PPARD: variants seen among roughly 807,000 people sequenced by gnomAD.
The protein encoded by PPARD is peroxisome proliferator-activated receptor delta.
Under a neutral mutation model 39.5 loss-of-function variants are expected in PPARD, and 6 were observed. The ratio of observed to expected loss-of-function variants is 0.15; its 90% confidence interval spans 0.08 to 0.30. The LOEUF (loss-of-function observed/expected upper bound fraction) is 0.30. Ranked by LOEUF, PPARD falls within the 10% of genes least tolerant of loss-of-function variation. The pLI is 1.00. For synonymous variants in PPARD, 210 were observed against 231.3 expected, an observed-to-expected ratio of 0.91 and a Z score of 0.83; for missense variants, 397 against 596.8, an observed-to-expected ratio of 0.67 and a Z score of 3.49.
intron 4 of PPARD, 72 bp from the exon 5 acceptor site, chr6:35,421,748 T>TAA (rs1428864796): frequency 6.7e-7 from 1 of 1,497,398 alleles, no homozygotes; most frequent in Non-Finnish European, 9.0e-7. Flanking sequence ...ACCTTATACA[T>TAA]AATCGGGCCC....
At chr6:35,411,298 C>T in intron 3 of PPARD, 81 bp downstream of exon 3, 10 of 1,343,984 alleles carry the variant, frequency 7.4e-6, no homozygotes, top group Non-Finnish European at 7.7e-6. Context: ...CTGCAAACGC[C>T]ATCATGTGGG....
intron 4 of PPARD, 70 bp from the exon 5 acceptor site, chr6:35,421,750 A>C: frequency 6.6e-7 from 1 of 1,505,338 alleles, no homozygotes; most frequent in Non-Finnish European, 9.0e-7. Context: ...CTTATACATA[A>C]TCGGGCCCTT....
In PPARD at chr6:35,402,040, G is replaced by A. The variant is rs137911097; in HGVS notation, c.-101-8947G>A. On this transcript the variant is annotated intron_variant, in intron 2 of 7. Transcript: ENST00000360694. ...GATCTGGGTCTCTTCTGGGACCTGA[G>A]CAGGCCTTTCCTTTACCTCGTTGGC... Among the ~76,000 whole-genome samples the A allele has an allele frequency of 8.7e-4, 132 of 152,270 alleles. 1 individual carries two copies. The highest frequency in any genetic ancestry group is 6.8e-3 in the Middle Eastern group (2 of 294).
At chr6:35,415,968 G>A (rs1302586243) in intron 3 of PPARD, among the ~76,000 whole-genome samples, 1 of 152,192 alleles carries the variant, frequency 6.6e-6, no homozygotes, top group African/African-American at 2.4e-5. Flanking sequence ...TGGGGCCACG[G>A]TAGGCACTCA....
rs191726948 is a variant in PPARD, at chr6:35,368,537, G to A, written c.-102+21387G>A. 3.0e-3 allele frequency among the ~76,000 whole-genome samples: 462 copies of A among 152,300 alleles called. 5 individuals carry two copies. The highest frequency in any genetic ancestry group is 0.011 in the African/African-American group (441 of 41,552). ...TCCCAGGGATGGCGTCCAGGAACCT[G>A]CCTTTAAAGCTCCCCATTGATTTGG... On this transcript the variant is annotated intron_variant, in intron 2 of 7. Coordinates refer to ENST00000360694, the MANE Select transcript of PPARD (RefSeq NM_006238.5).
intron 2 of PPARD, among the ~76,000 whole-genome samples, chr6:35,388,289 C>T (rs1227329568): frequency 2.0e-5 from 3 of 152,122 alleles, no homozygotes; most frequent in Admixed American, 1.3e-4. Flanking sequence ...TGTAGATGTG[C>T]ACACATATCC....
Position 35,415,778 on chromosome 6 carries a change from CTG to C in PPARD, c.131-4325_131-4324del, listed in dbSNP as rs369825175. On this transcript the variant is annotated intron_variant, in intron 3 of 7. Coordinates refer to ENST00000360694, the MANE Select transcript of PPARD (RefSeq NM_006238.5). ...TCAGGGTTCTCCAGAGAAGGAGAAC[CTG>C]TGTGTGTGTGTGTGTGTGTGTGTTG... Among the ~76,000 whole-genome samples, 306 of 143,616 alleles carry C rather than the reference CTG, an allele frequency of 2.1e-3. 3 individuals carry two copies. The highest frequency in any genetic ancestry group is 6.9e-3 in the African/African-American group (249 of 36,000). The allele number at this position is 143,616 out of a possible 152,430, so 94.2% of individuals were successfully genotyped here.
At chr6:35,408,877 T>C (rs1279131998) in intron 2 of PPARD, among the ~76,000 whole-genome samples, 2 of 152,240 alleles carry the variant, frequency 1.3e-5, no homozygotes, top group East Asian at 1.9e-4. Flanking sequence ...AAAGGAACAC[T>C]GGTACAATAC....
Position 35,361,178 on chromosome 6 carries a change from C to A in PPARD, c.-102+14028C>A, listed in dbSNP as rs75762214. On this transcript the variant is annotated intron_variant, in intron 2 of 7. Transcript: ENST00000360694. ...TGGGGTAGTGCTTAAGAGCCAGACTCTGTGTGGCATGGGGGTGATAACTGT... is the reference window on the plus strand; with the variant it reads ...TGGGGTAGTGCTTAAGAGCCAGACTATGTGTGGCATGGGGGTGATAACTGT... Among the ~76,000 whole-genome samples the A allele has an allele frequency of 5.1e-3, 783 of 152,300 alleles. 5 individuals are homozygous for A. Among genetic ancestry groups the A allele is most frequent in the African/African-American group, 0.015 (616 of 41,544 alleles).
chr6:35,416,769 G>A (rs369518221), intron 3 of PPARD, among the ~76,000 whole-genome samples: 7 of 152,278 alleles, frequency 4.6e-5, no homozygotes, highest in African/African-American at 1.7e-4. Flanking sequence ...GTCCCCTTCC[G>A]TGACAGTCAC....
At chr6:35,381,203 C>T (rs528099185) in intron 2 of PPARD, among the ~76,000 whole-genome samples, 7 of 152,254 alleles carry the variant, frequency 4.6e-5, no homozygotes, top group African/African-American at 1.7e-4. Flanking sequence ...CCTTCTAGTG[C>T]TTCTGTCCTT....
rs1766488657 is a variant in PPARD, at chr6:35,425,188, C to T, written c.1078+409C>T. The stretch of plus-strand genomic sequence containing the variant: ...ACTTGGGAGGCTGAGCCAGGAGAAT[C>T]GCTTGAACCCGAGAGGTGGAGGTTG... On this transcript the variant is annotated intron_variant, in intron 7 of 7. Coordinates refer to ENST00000360694, the MANE Select transcript of PPARD (RefSeq NM_006238.5). This position sits in a 1 kb window ranked among gnomAD's most constrained non-coding sequence, Gnocchi z 4.5. 4 of 853,952 alleles carry T rather than the reference C, an allele frequency of 4.7e-6. No individual in the cohort carries two copies. The highest frequency in any genetic ancestry group is 4.3e-6 in the Non-Finnish European group (3 of 693,388). The allele number at this position is 853,952 out of a possible 1,614,324, so 52.9% of individuals were successfully genotyped here.
At chr6:35,383,235 G>A (rs1763250274) in intron 2 of PPARD, among the ~76,000 whole-genome samples, 1 of 152,184 alleles carries the variant, frequency 6.6e-6, no homozygotes, top group Non-Finnish European at 1.5e-5. Context: ...TGACTTGGGT[G>A]GGAAGCACTA....
chr6:35,404,857 C>A (rs1273326430), intron 2 of PPARD, among the ~76,000 whole-genome samples: 1 of 152,116 alleles, frequency 6.6e-6, no homozygotes, highest in African/African-American at 2.4e-5. Context: ...CATGCCCCTC[C>A]CTGCACCTAA....
intron 2 of PPARD, among the ~76,000 whole-genome samples, chr6:35,391,813 A>G (rs575591064): frequency 5.9e-5 from 9 of 152,190 alleles, no homozygotes; most frequent in Non-Finnish European, 1.2e-4. Context: ...CGTATAAGGA[A>G]ATAGACACTC....
chr6:35,399,399 CAAA>C (rs10539871), intron 2 of PPARD, among the ~76,000 whole-genome samples: 240 of 95,454 alleles, frequency 2.5e-3, no homozygotes, highest in Middle Eastern at 4.7e-3. Flanking sequence ...GACTCTGTCT[CAAA>C]AAAAAAAAAA....
At chr6:35,419,998 T>G in intron 3 of PPARD, 129 bp from the exon 4 acceptor site, 1 of 1,133,180 alleles carries the variant, frequency 8.8e-7, no homozygotes, top group South Asian at 1.6e-5. Flanking sequence ...AAACTGGTCC[T>G]CAGAAAGGTT....
rs1034677000 is a variant in PPARD, at chr6:35,412,798, A to G, written c.130+1581A>G. ...TCCCCGAGTAAGCAACTTCCTGTCT[A>G]TTGGCTGGTAACTGGGATGGCTTTG... On this transcript the variant is annotated intron_variant, in intron 3 of 7. Transcript: ENST00000360694. This position sits in a 1 kb window ranked among gnomAD's most constrained non-coding sequence, Gnocchi z 4.1. 1.1e-4 allele frequency among the ~76,000 whole-genome samples: 17 copies of G among 152,288 alleles called. No homozygotes were observed. The highest frequency in any genetic ancestry group is 3.4e-4 in the African/African-American group (14 of 41,562).
chr6:35,420,239 A>G lies in PPARD; in HGVS notation c.243A>G (p.Ala81=), dbSNP rs1457058348. 1 of 1,605,560 alleles carries G rather than the reference A, an allele frequency of 6.2e-7. No individual in the cohort carries two copies. The highest frequency in any genetic ancestry group is 1.3e-5 in the African/African-American group (1 of 74,866). ...AGTGCCGGGTGTGCGGGGACAAGGCATCGGGCTTCCACTACGGTGTTCATG... is the reference window on the plus strand; with the variant it reads ...AGTGCCGGGTGTGCGGGGACAAGGCGTCGGGCTTCCACTACGGTGTTCATG... ...NMECRVCGDK[A]SGFHYGVHAC... Residue 81 remains alanine, a synonymous_variant, in exon 4 of 8, where the codon GCA becomes GCG. Coordinates refer to ENST00000360694, the MANE Select transcript of PPARD (RefSeq NM_006238.5).
Sources: allele counts gnomAD v4.1 joint callset (sites outside exome capture counted in the v4.1 genomes callset), GRCh38; gene constraint gnomAD v4.1.1; non-coding constraint Gnocchi (gnomAD v3.1); transcripts MANE v1.5; gene names NCBI Gene and HGNC (gene_info 2026-07-23, HGNC 2026-07-21).